MIPOL1: variants seen among roughly 807,000 people sequenced by gnomAD.
The protein encoded by MIPOL1 is mirror-image polydactyly gene 1 protein.
In MIPOL1, 57 loss-of-function variants were observed where a neutral mutation model predicts 60.9. The observed-to-expected ratio is 0.94, with a 90% confidence interval of 0.76 to 1.17. The LOEUF (loss-of-function observed/expected upper bound fraction) is 1.17. MIPOL1 is among the 50% of genes most tolerant of loss of function. MIPOL1 has a pLI of 0.00. For missense variants in MIPOL1, 551 were observed against 511.6 expected, an observed-to-expected ratio of 1.08 and a Z score of -0.74; for synonymous variants, 179 against 168.8, an observed-to-expected ratio of 1.06 and a Z score of -0.47.
intron 3 of MIPOL1, among the ~76,000 whole-genome samples, chr14:37,263,988 T>C (rs2082689743): frequency 6.6e-6 from 1 of 152,218 alleles, no homozygotes; most frequent in South Asian, 2.1e-4. Context: ...GGCATTTTAT[T>C]GGCTTGTGTT....
chr14:37,487,595 A>G (rs939550952), intron 11 of MIPOL1, among the ~76,000 whole-genome samples: 1 of 152,072 alleles, frequency 6.6e-6, no homozygotes, highest in East Asian at 1.9e-4. Context: ...AATTTATCCA[A>G]TTCTTCTAGA....
chr14:37,236,065 T>A (rs1971424480), intron 1 of MIPOL1, among the ~76,000 whole-genome samples: 1 of 151,876 alleles, frequency 6.6e-6, no homozygotes, highest in African/African-American at 2.4e-5. Flanking sequence ...TAGCTGGGAT[T>A]ACAGGCGCAT....
chr14:37,473,508 C>G (rs1407416799), intron 11 of MIPOL1, among the ~76,000 whole-genome samples: 2 of 152,050 alleles, frequency 1.3e-5, no homozygotes, highest in African/African-American at 4.8e-5. Context: ...TTTGGTTAGC[C>G]AAATTCAGTT....
At chr14:37,306,603 C>T (rs2086803653) in intron 7 of MIPOL1, among the ~76,000 whole-genome samples, 1 of 151,842 alleles carries the variant, frequency 6.6e-6, no homozygotes, top group East Asian at 1.9e-4. Flanking sequence ...TTTCTCACCA[C>T]ATATAACTTC....
intron 3 of MIPOL1, among the ~76,000 whole-genome samples, chr14:37,264,813 G>A (rs886441733): frequency 2.0e-5 from 3 of 152,008 alleles, no homozygotes; most frequent in East Asian, 1.9e-4. Flanking sequence ...AGTTTTTGTC[G>A]GCTTTCTCAT....
intron 1 of MIPOL1, among the ~76,000 whole-genome samples, chr14:37,233,890 T>G (rs1971022671): frequency 6.6e-6 from 1 of 152,228 alleles, no homozygotes; most frequent in Non-Finnish European, 1.5e-5. Context: ...AAAAAACTGT[T>G]GCCATGGCCT....
intron 9 of MIPOL1, among the ~76,000 whole-genome samples, chr14:37,365,239 A>T (rs923449744): frequency 2.6e-5 from 4 of 152,154 alleles, no homozygotes; most frequent in African/African-American, 7.2e-5. Flanking sequence ...TACTTCCAGT[A>T]CTATGTTGAA....
At chr14:37,256,847 C>T (rs1374547983) in intron 3 of MIPOL1, among the ~76,000 whole-genome samples, 1 of 151,836 alleles carries the variant, frequency 6.6e-6, no homozygotes, top group African/African-American at 2.4e-5. Context: ...CTCTGCCCCT[C>T]CCCCAAGTCA....
intron 7 of MIPOL1, among the ~76,000 whole-genome samples, chr14:37,299,442 TA>T (rs544339037): frequency 0.015 from 1,907 of 123,594 alleles, 21 homozygotes; most frequent in Non-Finnish European, 0.02. Context: ...AGTATAATAA[TA>T]AAAAAAAATT....
intron 9 of MIPOL1, among the ~76,000 whole-genome samples, chr14:37,357,742 T>C (rs904733669): frequency 6.6e-6 from 1 of 152,134 alleles, no homozygotes; most frequent in East Asian, 1.9e-4. Flanking sequence ...TTTCCTTTGC[T>C]GTGCAGAAGA....
At chr14:37,402,267 C>G (rs2093498039) in intron 10 of MIPOL1, among the ~76,000 whole-genome samples, 1 of 152,070 alleles carries the variant, frequency 6.6e-6, no homozygotes, top group Non-Finnish European at 1.5e-5. Context: ...TTAATGAAAG[C>G]TTACGTACTA....
chr14:37,221,940 C>A (rs117027398), intron 1 of MIPOL1, among the ~76,000 whole-genome samples: 1,504 of 132,018 alleles, frequency 0.011, 16 homozygotes, highest in Non-Finnish European at 0.011. Context: ...CCAGCATAAA[C>A]TCAAAAGTCC....
chr14:37,338,283 T>A (rs911015331), intron 9 of MIPOL1, among the ~76,000 whole-genome samples: 5 of 148,782 alleles, frequency 3.4e-5, no homozygotes, highest in Non-Finnish European at 7.5e-5. Flanking sequence ...GTTTTCTGTA[T>A]TTTTTTTTAG....
chr14:37,398,031 A>G (rs1484213746), intron 10 of MIPOL1, among the ~76,000 whole-genome samples: 2 of 151,668 alleles, frequency 1.3e-5, no homozygotes, highest in East Asian at 3.9e-4. Context: ...TCAGCTGGAG[A>G]TTTCCTTCTC....
At chr14:37,485,626 C>G (rs2094935350) in intron 11 of MIPOL1, among the ~76,000 whole-genome samples, 1 of 152,036 alleles carries the variant, frequency 6.6e-6, no homozygotes, top group African/African-American at 2.4e-5. Flanking sequence ...GCATTAATGT[C>G]TTCTTTTGAG....
rs931948583 is a variant in MIPOL1 at position 37,380,346 on chromosome 14, G to C, written c.936+10722G>C. ...TCTTTACAAGCAAGACTCTCAGCTA[G>C]ACCAGGTTTACAGTCTTTGCATACC... On this transcript the variant is annotated intron_variant, in intron 10 of 12. Coordinates refer to ENST00000684589, the MANE Select transcript of MIPOL1 (RefSeq NM_001388067.1). Among the ~76,000 whole-genome samples the C allele has an allele frequency of 6.6e-5, 10 of 152,194 alleles. 1 individual carries two copies. Among genetic ancestry groups the C allele is most frequent in the African/African-American group, 2.4e-4 (10 of 41,554 alleles).
chr14:37,475,163 C>A (rs1053672453), intron 11 of MIPOL1, among the ~76,000 whole-genome samples: 1 of 152,048 alleles, frequency 6.6e-6, no homozygotes, highest in Admixed American at 6.5e-5. Context: ...CAGGGTTTCA[C>A]CATGTGGGCC....
At chr14:37,357,911 A>G (rs1211072521) in intron 9 of MIPOL1, among the ~76,000 whole-genome samples, 1 of 151,976 alleles carries the variant, frequency 6.6e-6, no homozygotes, top group Non-Finnish European at 1.5e-5. Flanking sequence ...ACATAGTTAT[A>G]CATGTGCCAT....
At chr14:37,277,590 T>TTGG (rs1459957835) in intron 6 of MIPOL1, 127 of 151,482 alleles carry the variant, frequency 8.4e-4, no homozygotes, top group African/African-American at 3.0e-3. Context: ...TGCTTTTGAT[T>TTGG]CATTGTCTTG....
Sources: gnomAD v4.1 joint callset for allele counts (sites outside exome capture counted in the v4.1 genomes callset) on GRCh38, gnomAD v4.1.1 for gene constraint, MANE v1.5 for transcripts, NCBI Gene and HGNC (gene_info 2026-07-23, HGNC 2026-07-21) for gene names.